Variants in LARGE1 observed in about 807,000 individuals in gnomAD.
LARGE1 encodes the protein xylosyl- and glucuronyltransferase LARGE1.
LARGE1 carries 43 observed loss-of-function variants against 87.6 expected under a neutral mutation model. That is an observed-to-expected ratio of 0.49 (90% confidence interval 0.38 to 0.63). The LOEUF (loss-of-function observed/expected upper bound fraction) is 0.63, where lower values mean the gene tolerates loss of function less well. Ranked by LOEUF, LARGE1 falls within the 30% of genes least tolerant of loss-of-function variation. The pLI is 0.00. For synonymous variants in LARGE1, 434 were observed against 394.6 expected (o/e 1.10, Z -1.18); for missense variants, 802 against 1,000.2 (o/e 0.80, Z 2.67).
chr22:33,821,293 T>C (rs906357317), intron 1 of LARGE1, among the ~76,000 whole-genome samples: 1 of 151,842 alleles, frequency 6.6e-6, no homozygotes, highest in Non-Finnish European at 1.5e-5. Flanking sequence ...TAGAAAAAAA[T>C]GGCAGCTACT....
chr22:33,304,566 G>A (rs1934616241), intron 11 of LARGE1, 59 bp from the exon 12 acceptor site: 3 of 1,487,688 alleles, frequency 2.0e-6, no homozygotes, highest in Non-Finnish European at 2.7e-6. Context: ...TCATCCGCCG[G>A]GCCTGTTGTG....
chr22:33,767,380 T>C (rs1286109949), intron 1 of LARGE1, among the ~76,000 whole-genome samples: 1 of 151,164 alleles, frequency 6.6e-6, no homozygotes, highest in African/African-American at 2.4e-5. Context: ...TGCTTGCAAT[T>C]CAAAATACCT....
At chr22:33,420,941 A>T (rs1456131067) in intron 7 of LARGE1, among the ~76,000 whole-genome samples, 1 of 152,232 alleles carries the variant, frequency 6.6e-6, no homozygotes, top group African/African-American at 2.4e-5. Context: ...TAATCTCAGC[A>T]GTTTGGGAGG....
At chr22:33,266,264 C>A (rs1247621365) in intron 11 of LARGE1, among the ~76,000 whole-genome samples, 1 of 138,480 alleles carries the variant, frequency 7.2e-6, no homozygotes, top group African/African-American at 3.0e-5. Context: ...TCTTGTTGCC[C>A]AGGCTGGAGT....
At chr22:33,727,948 G>C (rs902180568) in intron 2 of LARGE1, among the ~76,000 whole-genome samples, 5 of 152,118 alleles carry the variant, frequency 3.3e-5, no homozygotes, top group African/African-American at 1.2e-4. Context: ...CAAAGGACTG[G>C]GGACAGGTAA....
chr22:33,306,960 G>C (rs1272388298), intron 11 of LARGE1, among the ~76,000 whole-genome samples: 1 of 152,110 alleles, frequency 6.6e-6, no homozygotes, highest in Non-Finnish European at 1.5e-5. Context: ...AACACAGCTG[G>C]ATGTTGTTCT....
intron 11 of LARGE1, among the ~76,000 whole-genome samples, chr22:33,187,287 A>G (rs1344981236): frequency 6.6e-6 from 1 of 152,248 alleles, no homozygotes. Context: ...TGGTATATGT[A>G]CATAATGAAT....
chr22:33,425,691 A>G (rs1391491252), intron 7 of LARGE1, among the ~76,000 whole-genome samples: 3 of 152,196 alleles, frequency 2.0e-5, no homozygotes, highest in Non-Finnish European at 4.4e-5. Context: ...AGGATCAAGT[A>G]AAACTGGGAA....
chr22:33,387,582 T>C (rs1489016913), intron 7 of LARGE1, among the ~76,000 whole-genome samples: 1 of 151,936 alleles, frequency 6.6e-6, no homozygotes, highest in African/African-American at 2.4e-5. Context: ...ATGCACATTT[T>C]TGAAGCCTCT....
At chr22:33,441,157 C>T (rs1362594407) in intron 6 of LARGE1, among the ~76,000 whole-genome samples, 1 of 145,590 alleles carries the variant, frequency 6.9e-6, no homozygotes. Context: ...TCACTGCAAC[C>T]TCCACTTCCC....
the LARGE1 span, among the ~76,000 whole-genome samples, chr22:33,132,340 T>C: frequency 1.3e-5 from 2 of 151,532 alleles, no homozygotes; most frequent in African/African-American, 4.8e-5. Flanking sequence ...TGCACCACCA[T>C]GCCTCGCTAA....
At chr22:33,326,354 C>T (rs754060340) in intron 10 of LARGE1, among the ~76,000 whole-genome samples, 2 of 152,188 alleles carry the variant, frequency 1.3e-5, no homozygotes, top group East Asian at 3.9e-4. Flanking sequence ...TGCTTCTGCA[C>T]TTGTATTATT....
chr22:33,746,207 A>T (rs1009837334), intron 2 of LARGE1, among the ~76,000 whole-genome samples: 9 of 152,210 alleles, frequency 5.9e-5, no homozygotes, highest in African/African-American at 2.2e-4. Context: ...ACACCACTGC[A>T]CTGCAGCCTG....
chr22:33,727,165 T>C (rs1415932446), intron 2 of LARGE1, among the ~76,000 whole-genome samples: 1 of 151,960 alleles, frequency 6.6e-6, no homozygotes, highest in Non-Finnish European at 1.5e-5. Flanking sequence ...CTAAAGAAAA[T>C]GATGTTTTCT....
the LARGE1 span, among the ~76,000 whole-genome samples, chr22:33,118,396 G>C: frequency 6.6e-6 from 1 of 151,990 alleles, no homozygotes; most frequent in Non-Finnish European, 1.5e-5. Context: ...GGAGGTTGAG[G>C]TGGGAAGATT....
intron 5 of LARGE1, among the ~76,000 whole-genome samples, chr22:33,601,821 G>A (rs1442584935): frequency 6.6e-6 from 1 of 152,130 alleles, no homozygotes; most frequent in Non-Finnish European, 1.5e-5. Flanking sequence ...TTTAAGCCAT[G>A]AAGTATTTAT....
Position 33,233,633 on chromosome 22 carries a change from G to C in LARGE1, c.1731-66801C>G, listed in dbSNP as rs543971315. On this transcript the variant is annotated intron_variant, in intron 11 of 11. Transcript: ENST00000608642. ...GTTCCCAGACAAGGGATGGGGGAGA[G>C]GGAACACCTAGCTTCAATGTTGGTG... Among the ~76,000 whole-genome samples, 4 of 152,264 alleles carry C rather than the reference G, an allele frequency of 2.6e-5. No individual in the cohort carries two copies. The East Asian group carries it at 5.8e-4, about 22-fold the overall frequency.
At chr22:33,130,565 G>C in the LARGE1 span, among the ~76,000 whole-genome samples, 1 of 152,104 alleles carries the variant, frequency 6.6e-6, no homozygotes, top group Non-Finnish European at 1.5e-5. Context: ...CAGGCTATCT[G>C]TGCAAATCGG....
At chr22:33,342,369 CT>C (rs1480828925) in intron 9 of LARGE1, among the ~76,000 whole-genome samples, 1 of 152,200 alleles carries the variant, frequency 6.6e-6, no homozygotes, top group Non-Finnish European at 1.5e-5. Flanking sequence ...GTGCACAAAT[CT>C]GCCAGGTACT....
Sources: allele counts gnomAD v4.1 joint callset (sites outside exome capture counted in the v4.1 genomes callset), GRCh38; gene constraint gnomAD v4.1.1; transcripts MANE v1.5; gene names NCBI Gene and HGNC (gene_info 2026-07-23, HGNC 2026-07-21).